Variants in TSHZ3 observed in about 807,000 individuals in gnomAD.
TSHZ3 encodes the protein teashirt homolog 3.
Under a neutral mutation model 64.5 loss-of-function variants are expected in TSHZ3, and 10 were observed. The observed-to-expected ratio is 0.16, with a 90% CI of 0.10 to 0.26. The LOEUF (loss-of-function observed/expected upper bound fraction) is 0.26, where lower values mean the gene tolerates loss of function less well. Among genes scored for constraint, TSHZ3 ranks in the 10% least tolerant of loss-of-function variants. The probability of loss-of-function intolerance (pLI) is 1.00; values close to 1 mark genes in which losing one functional copy is unlikely to be tolerated. For synonymous variants in TSHZ3, 608 were observed against 593.1 expected, an observed-to-expected ratio of 1.03 and a Z score of -0.36; for missense variants, 1,242 against 1,421.7, an observed-to-expected ratio of 0.87 and a Z score of 2.03.
At chr19:31,346,844 T>C (rs1280755295) in intron 1 of TSHZ3, among the ~76,000 whole-genome samples, 1 of 136,216 alleles carries the variant, frequency 7.3e-6, no homozygotes, top group African/African-American at 3.1e-5. Flanking sequence ...AAATGTGGAG[T>C]TTTTTTTTTT....
At chr19:31,324,674 C>A (rs1916882319) in intron 1 of TSHZ3, among the ~76,000 whole-genome samples, 1 of 152,180 alleles carries the variant, frequency 6.6e-6, no homozygotes, top group African/African-American at 2.4e-5. Flanking sequence ...CACAACAGTC[C>A]CTCTGTCTCC....
chr19:31,330,364 C>T (rs556393651), intron 1 of TSHZ3, among the ~76,000 whole-genome samples: 5 of 152,296 alleles, frequency 3.3e-5, no homozygotes, highest in African/African-American at 1.2e-4. Context: ...GGACCAGGAG[C>T]TGCTAGCACA....
At chr19:31,265,397 C>CAAAAAAAAAAAAAAAAAAAAAAAAAAAA (rs11432951) in intron 1 of TSHZ3, among the ~76,000 whole-genome samples, 1 of 34,268 alleles carries the variant, frequency 2.9e-5, no homozygotes. Context: ...AACTCTGTCT[C>CAAAAAAAAAAAAAAAAAAAAAAAAAAAA]AAAAAAAAAA....
intron 4 of TSHZ3, among the ~76,000 whole-genome samples, chr19:31,205,207 C>T (rs1273560602): frequency 6.6e-6 from 1 of 152,084 alleles, no homozygotes; most frequent in African/African-American, 2.4e-5. Context: ...AGGTTTGGGG[C>T]CAAGTGCCTT....
intron 3 of TSHZ3, among the ~76,000 whole-genome samples, chr19:31,236,461 T>G (rs1251927005): frequency 6.6e-6 from 1 of 152,218 alleles, no homozygotes; most frequent in Non-Finnish European, 1.5e-5. Context: ...TCCATTTAGG[T>G]CCTTAGTTCA....
chr19:31,201,220 G>C (rs1402312691), intron 5 of TSHZ3, among the ~76,000 whole-genome samples: 1 of 152,048 alleles, frequency 6.6e-6, no homozygotes, highest in Non-Finnish European at 1.5e-5. Flanking sequence ...TTTAATAATG[G>C]TTAAATTATT....
intron 4 of TSHZ3, among the ~76,000 whole-genome samples, chr19:31,218,491 G>T (rs967335567): frequency 2.6e-5 from 4 of 152,286 alleles, no homozygotes; most frequent in African/African-American, 4.8e-5. Flanking sequence ...AAGACAATTT[G>T]GGGGTTTCTT....
intron 4 of TSHZ3, among the ~76,000 whole-genome samples, chr19:31,227,235 C>T (rs1161656463): frequency 6.6e-6 from 1 of 151,990 alleles, no homozygotes; most frequent in Non-Finnish European, 1.5e-5. Context: ...CCGTCTCAGC[C>T]TCCCAGAGTG....
At chr19:31,227,210 C>T (rs1389107447) in intron 4 of TSHZ3, among the ~76,000 whole-genome samples, 1 of 151,732 alleles carries the variant, frequency 6.6e-6, no homozygotes, top group Non-Finnish European at 1.5e-5. Context: ...GAACCCCTGA[C>T]CTCAAGCCAC....
intron 1 of TSHZ3, among the ~76,000 whole-genome samples, chr19:31,335,863 G>T (rs1001547663): frequency 6.6e-6 from 1 of 152,188 alleles, no homozygotes; most frequent in Non-Finnish European, 1.5e-5. Flanking sequence ...GAAGGTGGAC[G>T]TCACACCATG....
intron 4 of TSHZ3, chr19:31,207,480 T>G (rs547180581): frequency 2.0e-5 from 3 of 152,238 alleles, no homozygotes; most frequent in Admixed American, 1.3e-4. Context: ...AAGCAACTTT[T>G]TTTCTCTCTT....
chr19:31,179,831 T>TGGC (rs570712665), intron 5 of TSHZ3, among the ~76,000 whole-genome samples: 4 of 145,056 alleles, frequency 2.8e-5, no homozygotes, highest in African/African-American at 1.1e-4. Flanking sequence ...ATGATGGAGG[T>TGGC]GGTGGTGGTG....
chr19:31,337,013 A>ATTT (rs57786560), intron 1 of TSHZ3, among the ~76,000 whole-genome samples: 2,516 of 131,422 alleles, frequency 0.019, 48 homozygotes, highest in Middle Eastern at 0.037. Context: ...CTTTTTTTCT[A>ATTT]TTTTTTTTTT....
rs771523387 is a variant in TSHZ3, at chr19:31,279,069, C to G, written c.724G>C (p.Asp242His). The change falls in exon 2 of 2, where the codon GAC becomes CAC. Residue 242 changes from aspartate to histidine, a missense_variant. Physicochemically the swap from Asp to His is moderately conservative, Grantham distance 81. Coordinates refer to ENST00000240587, the MANE Select transcript of TSHZ3 (RefSeq NM_020856.4). The surrounding 1 kb of genome is among the most constrained non-coding windows in gnomAD (Gnocchi z 6.4). Reference protein sequence around the residue: ...HMNETGHYRDDNHETDNNNPK... With the variant: ...HMNETGHYRDHNHETDNNNPK... ...TTGTTGTTATCGGTCTCATGGTTGT[C>G]GTCGCGGTAATGCCCCGTCTCGTTC... 4 of 1,614,040 alleles carry G rather than the reference C, an allele frequency of 2.5e-6. No individual in the cohort carries two copies. Among genetic ancestry groups the G allele is most frequent in the Non-Finnish European group, 3.4e-6 (4 of 1,179,992 alleles).
intron 1 of TSHZ3, among the ~76,000 whole-genome samples, chr19:31,317,950 A>G (rs1324947341): frequency 6.6e-6 from 1 of 152,230 alleles, no homozygotes; most frequent in Non-Finnish European, 1.5e-5. Context: ...GCAGGACTGT[A>G]AAAGCTCCCT....
intron 5 of TSHZ3, among the ~76,000 whole-genome samples, chr19:31,202,361 T>C (rs2145150964): frequency 6.6e-6 from 1 of 152,312 alleles, no homozygotes; most frequent in African/African-American, 2.4e-5. Context: ...TATGTATATT[T>C]ACATACATAA....
exon 3 of TSHZ3, among the ~76,000 whole-genome samples, chr19:31,242,284 G>A (rs963840004): frequency 4.6e-5 from 7 of 152,184 alleles, no homozygotes; most frequent in African/African-American, 1.4e-4. Flanking sequence ...TATGGAGGCT[G>A]AGAAGTCCTA....
chr19:31,168,284 A>G (rs542508094), intron 5 of TSHZ3, among the ~76,000 whole-genome samples: 3 of 152,286 alleles, frequency 2.0e-5, no homozygotes, highest in East Asian at 3.9e-4. Context: ...TCACAAATCT[A>G]TAGTGTCTAT....
At chr19:31,285,781 C>CAAAAAAAA (rs3030263) in intron 1 of TSHZ3, among the ~76,000 whole-genome samples, 3 of 44,982 alleles carry the variant, frequency 6.7e-5, no homozygotes, top group Non-Finnish European at 1.2e-4. Context: ...GCCACTGTCT[C>CAAAAAAAA]AAAAAAAAAA....
Sources: gnomAD v4.1 joint callset for allele counts (sites outside exome capture counted in the v4.1 genomes callset) on GRCh38, gnomAD v4.1.1 for gene constraint, Gnocchi (gnomAD v3.1) non-coding constraint, MANE v1.5 for transcripts, NCBI Gene and HGNC (gene_info 2026-07-23, HGNC 2026-07-21) for gene names.